Variants in STARD9 observed in about 807,000 individuals in gnomAD.
STARD9 encodes stAR-related lipid transfer protein 9.
In STARD9, 346 loss-of-function variants were observed where a neutral mutation model predicts 399.8. That is an observed-to-expected ratio of 0.87 (90% CI 0.79 to 0.95). The LOEUF (loss-of-function observed/expected upper bound fraction) is 0.95, where lower values mean the gene tolerates loss of function less well. STARD9 is among the 40% of genes least tolerant of loss of function. The probability of loss-of-function intolerance (pLI) is 0.00; values close to 1 mark genes in which losing one functional copy is unlikely to be tolerated. For synonymous variants in STARD9, 2,203 were observed against 2,143.5 expected, an observed-to-expected ratio of 1.03 and a Z score of -0.77; for missense variants, 5,832 against 5,667.5, an observed-to-expected ratio of 1.03 and a Z score of -0.93.
At chr15:42,668,175 A>G (rs2060139467) in intron 15 of STARD9, among the ~76,000 whole-genome samples, 1 of 152,164 alleles carries the variant, frequency 6.6e-6, no homozygotes, top group Admixed American at 6.5e-5. Flanking sequence ...ACTGTAAGCC[A>G]GAGTGTCCTG....
rs1488637951 is a variant in STARD9, at chr15:42,649,340, TTA to T, written c.560-1675_560-1674del. ...ACTGCACCCGGCTCCCTCCATATTT[TTA>T]ATCTTTTGTCTCTCTGTGCTAAATT... On this transcript the variant is annotated intron_variant, in intron 7 of 32. Transcript: ENST00000290607. Among the ~76,000 whole-genome samples, 27 of 152,330 alleles carry T rather than the reference TTA, an allele frequency of 1.8e-4. No homozygotes were observed. In the East Asian group the frequency reaches 5.2e-3, roughly 29 times the overall value.
In STARD9 at chr15:42,665,794, C is replaced by T; in HGVS notation, c.1263C>T (p.Phe421=). ...ALLLSFELRN[F]SSLSDENLKE... ...TCTCTATCTTTGTGCAGAGAAACTT[C>T]AGTTCATTGAGTGATGAAAACCTGA... The change falls in exon 15 of 33, where the codon TTC becomes TTT. Residue 421 remains phenylalanine, a synonymous_variant. Coordinates refer to ENST00000290607, the MANE Select transcript of STARD9 (RefSeq NM_020759.3). 4 of 1,537,164 alleles carry T rather than the reference C, an allele frequency of 2.6e-6. No homozygotes were observed. Among genetic ancestry groups the T allele is most frequent in the Non-Finnish European group, 3.5e-6 (4 of 1,146,844 alleles).
rs781627052 is a variant in STARD9, at chr15:42,689,748, C to T, written c.8170C>T (p.Arg2724Cys). The T allele has an allele frequency of 5.1e-5, 79 of 1,537,624 alleles. No individual in the cohort carries two copies. The highest frequency in any genetic ancestry group is 3.3e-4 in the Middle Eastern group (2 of 6,016). Residue 2724 changes from arginine to cysteine, a missense_variant, in exon 23 of 33, where the codon CGT becomes TGT. Coordinates refer to ENST00000290607, the MANE Select transcript of STARD9 (RefSeq NM_020759.3). ...TGATCCTTTGGCCCCAGACAGTCCT[C>T]GTTCTTCAGCACCTGTGGAGGAGGT... ...SADPLAPDSP[R>C]SSAPVEEVRR...
intron 3 of STARD9, among the ~76,000 whole-genome samples, chr15:42,612,020 G>A (rs1233390048): frequency 1.3e-5 from 2 of 152,066 alleles, no homozygotes; most frequent in Non-Finnish European, 2.9e-5. Flanking sequence ...CCAGGCTGGA[G>A]TGCAGTGGCA....
chr15:42,643,459 G>A (rs2059580946), intron 7 of STARD9, among the ~76,000 whole-genome samples: 1 of 151,896 alleles, frequency 6.6e-6, no homozygotes, highest in African/African-American at 2.4e-5. Flanking sequence ...GCCTCCCAAA[G>A]TGTTGGGATT....
intron 3 of STARD9, among the ~76,000 whole-genome samples, chr15:42,620,479 C>CAA (rs764763187): frequency 7.0e-6 from 1 of 142,946 alleles, no homozygotes. Flanking sequence ...AGACCTGTCT[C>CAA]AAAAAAAAAA....
Position 42,691,356 on chromosome 15 carries a change from T to C in STARD9, c.9778T>C (p.Ser3260Pro). 6.5e-7 allele frequency: 1 copy of C among 1,537,174 alleles called. No individual in the cohort carries two copies. Among genetic ancestry groups the C allele is most frequent in the East Asian group, 2.4e-5 (1 of 40,904 alleles). ...EEVAVAKPPV[S>P]KILSQGFKDP... ...GGTGGCTGTGGCCAAGCCTCCTGTG[T>C]CCAAGATTTTATCACAGGGCTTCAA... is the stretch of plus-strand genomic sequence containing the variant. The change falls in exon 23 of 33, where the codon TCC (serine) becomes CCC (proline). Residue 3260 changes from serine (S) to proline (P), a missense_variant. Ser to Pro is a moderately conservative substitution (Grantham distance 74). Transcript: ENST00000290607.
intron 3 of STARD9, among the ~76,000 whole-genome samples, chr15:42,588,683 A>T (rs974065685): frequency 6.7e-6 from 1 of 149,746 alleles, no homozygotes; most frequent in Non-Finnish European, 1.5e-5. Context: ...CTCTGAGGCC[A>T]CCACGGACGG....
In STARD9 at chr15:42,602,013, G is replaced by A. The variant is rs562465519; in HGVS notation, c.234+16376G>A. 1.1e-4 allele frequency among the ~76,000 whole-genome samples: 17 copies of A among 152,224 alleles called. No homozygotes were observed. The East Asian group carries it at 2.3e-3, about 21-fold the overall frequency. On this transcript the variant is annotated intron_variant, in intron 3 of 32. Coordinates refer to ENST00000290607, the MANE Select transcript of STARD9 (RefSeq NM_020759.3). The stretch of plus-strand genomic sequence containing the variant: ...AGGTGCGTGTCACCACGCCCGGCTC[G>A]TTTTTATATTTTTAGTAGAGACAGT...
At chr15:42,652,861 A>G (rs552792542) in intron 9 of STARD9, among the ~76,000 whole-genome samples, 19 of 152,192 alleles carry the variant, frequency 1.2e-4, no homozygotes, top group African/African-American at 4.6e-4. Context: ...AATTTTTAGT[A>G]AAGACGGGGT....
intron 20 of STARD9, among the ~76,000 whole-genome samples, chr15:42,678,632 G>T (rs904332991): frequency 1.3e-5 from 2 of 152,206 alleles, no homozygotes; most frequent in African/African-American, 4.8e-5. Flanking sequence ...TGCAGAAGCT[G>T]CCAGACCCCG....
Position 42,662,795 on chromosome 15 carries a change from G to A in STARD9, c.772G>A (p.Glu258Lys), listed in dbSNP as rs541244427. 3.0e-5 allele frequency: 46 copies of A among 1,536,256 alleles called. No homozygotes were observed. Among genetic ancestry groups the A allele is most frequent in the East Asian group, 2.9e-4 (12 of 40,882 alleles). Residue 258 changes from glutamate (E) to lysine (K), a missense_variant and splice_region_variant, in exon 11 of 33, where the codon GAA (glutamate) becomes AAA (lysine). Coordinates refer to ENST00000290607, the MANE Select transcript of STARD9 (RefSeq NM_020759.3). Reference sequence around the variant, plus strand: ...TGTTTTTCATTGACTGTGTTTTAGCGAAAGAGCAGATCCCAGTTACTGTAA... The same window carrying A: ...TGTTTTTCATTGACTGTGTTTTAGCAAAAGAGCAGATCCCAGTTACTGTAA... ...KINLVDLAGSERADPSYCKDR... is the reference protein window; with the variant it reads ...KINLVDLAGSKRADPSYCKDR...
At chr15:42,576,540 G>A (rs898806080) in intron 1 of STARD9, among the ~76,000 whole-genome samples, 4 of 152,182 alleles carry the variant, frequency 2.6e-5, no homozygotes, top group Non-Finnish European at 4.4e-5. Context: ...GACTTAGACT[G>A]TAAGGGACTA....
chr15:42,657,402 G>A (rs2059899313), intron 9 of STARD9, among the ~76,000 whole-genome samples: 1 of 151,350 alleles, frequency 6.6e-6, no homozygotes, highest in Admixed American at 6.6e-5. Context: ...CTAGAGACAG[G>A]AATATTTCAT....
rs2060751407 is a variant in STARD9, at chr15:42,693,023, C to A, written c.11445C>A (p.Pro3815=). 3.3e-6 allele frequency: 5 copies of A among 1,537,220 alleles called. No homozygotes were observed. The highest frequency in any genetic ancestry group is 4.4e-6 in the Non-Finnish European group (5 of 1,146,894). Residue 3815 remains proline (P), a synonymous_variant, in exon 23 of 33, where the codon CCC becomes CCA. Transcript: ENST00000290607. ...ACAAGCCCCAGAGCCCTTCAATACC[C>A]TCATCCCACTTGAGGTTTCAGAAAG... ...TPYKPQSPSI[P]SSHLRFQKAP... is the part of the protein sequence containing the mutation.
chr15:42,680,189 C>T (rs893244818), intron 20 of STARD9, among the ~76,000 whole-genome samples: 2 of 152,184 alleles, frequency 1.3e-5, no homozygotes, highest in South Asian at 2.1e-4. Context: ...GAGGTCCTTA[C>T]GTGACCCCCA....
At chr15:42,653,844 C>G (rs2059811267) in intron 9 of STARD9, among the ~76,000 whole-genome samples, 1 of 152,002 alleles carries the variant, frequency 6.6e-6, no homozygotes, top group African/African-American at 2.4e-5. Flanking sequence ...GTTTCTTCTC[C>G]TAATGTCAAT....
In STARD9 at chr15:42,643,650, C is replaced by T. The variant is rs1335736414; in HGVS notation, c.559+4838C>T. On this transcript the variant is annotated intron_variant, in intron 7 of 32. Coordinates refer to ENST00000290607, the MANE Select transcript of STARD9 (RefSeq NM_020759.3). The stretch of plus-strand genomic sequence containing the variant: ...CTGACTAGCTGGGACTACAGATGTG[C>T]ACCACCACGCCCAGCTAATTTTTGT... 3.9e-5 allele frequency among the ~76,000 whole-genome samples: 6 copies of T among 152,112 alleles called. No individual in the cohort carries two copies. The East Asian group carries it at 1.2e-3, about 29-fold the overall frequency.
chr15:42,682,499 T>A lies in STARD9; in HGVS notation c.2461T>A (p.Cys821Ser). The part of the protein sequence containing the change: ...SPDATVPRPP[C>S]RSKLTSCSSL... ...TGATGCCACAGTCCCACGGCCTCCA[T>A]GTAGAAGCAAATTGACGAGTTGCAG... The change falls in exon 22 of 33, where the codon TGT becomes AGT. Residue 821 changes from cysteine (C) to serine (S), a missense_variant. Physicochemically the swap from Cys to Ser is moderately radical, Grantham distance 112. This residue lies in a region of STARD9 where 5,828 missense variants were observed against 5,651.1 expected (regional missense o/e 1.03). Transcript: ENST00000290607. 1 of 1,537,152 alleles carries A rather than the reference T, an allele frequency of 6.5e-7. No individual in the cohort carries two copies. The highest frequency in any genetic ancestry group is 8.7e-7 in the Non-Finnish European group (1 of 1,146,880).
Sources: allele counts gnomAD v4.1 joint callset (sites outside exome capture counted in the v4.1 genomes callset), GRCh38; gene constraint gnomAD v4.1.1; regional missense constraint gnomAD v4.1.1; transcripts MANE v1.5; gene names NCBI Gene and HGNC (gene_info 2026-07-23, HGNC 2026-07-21).